Variants in MYO3A observed in about 807,000 individuals in gnomAD.
MYO3A encodes the protein myosin IIIA.
Under a neutral mutation model 192.7 loss-of-function variants are expected in MYO3A, and 180 were observed. The observed-to-expected ratio is 0.93, with a 90% confidence interval of 0.83 to 1.06. The LOEUF (loss-of-function observed/expected upper bound fraction) is 1.06, where lower values mean the gene tolerates loss of function less well. Ranked by LOEUF, MYO3A falls within the 50% of genes least tolerant of loss-of-function variation. The probability of loss-of-function intolerance (pLI) is 0.00; values close to 1 mark genes in which losing one functional copy is unlikely to be tolerated. For missense variants in MYO3A, 1,896 were observed against 1,905.0 expected (o/e 1.00, Z 0.09); for synonymous variants, 628 against 645.3 (o/e 0.97, Z 0.41).
intron 12 of MYO3A, 45 bp from the exon 13 acceptor site, chr10:26,070,066 A>ATAAAAACAAAAAGCCCTACAAAATG: frequency 1.4e-6 from 2 of 1,416,288 alleles, no homozygotes; most frequent in Non-Finnish European, 2.0e-6. Context: ...CAGGACTTAA[A>ATAAAAACAAAAAGCCCTACAAAATG]TAAAAACAAA....
intron 7 of MYO3A, among the ~76,000 whole-genome samples, chr10:26,020,641 A>G (rs1842253716): frequency 6.6e-6 from 1 of 152,214 alleles, no homozygotes; most frequent in South Asian, 2.1e-4. Context: ...AAAATTTTAA[A>G]AATGCAAAAA....
intron 4 of MYO3A, among the ~76,000 whole-genome samples, chr10:25,992,567 A>G (rs1564437040): frequency 6.6e-6 from 1 of 151,998 alleles, no homozygotes; most frequent in African/African-American, 2.4e-5. Context: ...GTGGTGAGAG[A>G]GGGCATCCCT....
chr10:26,126,805 A>G (rs1839245134), intron 19 of MYO3A, among the ~76,000 whole-genome samples: 3 of 152,054 alleles, frequency 2.0e-5, no homozygotes. Context: ...TACTAAATGT[A>G]CATATACTAA....
At chr10:26,099,924 A>G (rs1473196330) in intron 17 of MYO3A, among the ~76,000 whole-genome samples, 1 of 152,224 alleles carries the variant, frequency 6.6e-6, no homozygotes, top group Non-Finnish European at 1.5e-5. Context: ...CGCTGGCCTC[A>G]TAAAATGACT....
At chr10:26,077,950 G>A (rs948071580) in intron 14 of MYO3A, among the ~76,000 whole-genome samples, 9 of 151,920 alleles carry the variant, frequency 5.9e-5, no homozygotes, top group African/African-American at 2.2e-4. Context: ...ATATAGGTCT[G>A]TAGTTTTCTT....
chr10:26,134,643 T>C (rs1479013097), intron 20 of MYO3A, among the ~76,000 whole-genome samples: 1 of 152,156 alleles, frequency 6.6e-6, no homozygotes, highest in Non-Finnish European at 1.5e-5. Context: ...TTTCTGTAAG[T>C]TTTAAATTAT....
At chr10:26,208,267 A>G (rs1844065885) in intron 34 of MYO3A, among the ~76,000 whole-genome samples, 2 of 152,180 alleles carry the variant, frequency 1.3e-5, no homozygotes, top group Non-Finnish European at 2.9e-5. Context: ...TAATTATGGC[A>G]AGATGATCAA....
At chr10:26,136,652 G>C (rs1839861923) in intron 20 of MYO3A, among the ~76,000 whole-genome samples, 1 of 152,164 alleles carries the variant, frequency 6.6e-6, no homozygotes, top group African/African-American at 2.4e-5. Context: ...TTTTACTTGA[G>C]GATGTAGTCA....
chr10:26,039,736 T>C (rs1050210818), intron 10 of MYO3A, among the ~76,000 whole-genome samples: 5 of 152,178 alleles, frequency 3.3e-5, no homozygotes, highest in Non-Finnish European at 7.4e-5. Context: ...GTATCCTTTT[T>C]CAATTCTGAT....
chr10:26,204,382 C>T (rs1843810101), intron 34 of MYO3A: 1 of 152,272 alleles, frequency 6.6e-6, no homozygotes, highest in Admixed American at 6.5e-5. Context: ...TCCCCTTCCC[C>T]CCACTGGCAG....
At chr10:25,988,902 C>T (rs1048464135) in intron 4 of MYO3A, among the ~76,000 whole-genome samples, 2 of 147,156 alleles carry the variant, frequency 1.4e-5, no homozygotes, top group Non-Finnish European at 3.0e-5. Flanking sequence ...AGTCTCCCTA[C>T]AGTGCTTTTA....
chr10:26,082,756 TTCTCTC>T (rs59341701), intron 14 of MYO3A, among the ~76,000 whole-genome samples: 5 of 149,512 alleles, frequency 3.3e-5, no homozygotes, highest in Non-Finnish European at 1.5e-5. Flanking sequence ...CTCTCTCTTT[TTCTCTC>T]TCTCTCTCTC....
At chr10:26,129,410 C>T (rs912976887) in intron 20 of MYO3A, among the ~76,000 whole-genome samples, 6 of 152,096 alleles carry the variant, frequency 3.9e-5, no homozygotes, top group Admixed American at 2.6e-4. Context: ...ATTCCCTCTC[C>T]CTCTCTTCCT....
intron 4 of MYO3A, among the ~76,000 whole-genome samples, chr10:25,958,073 A>AG (rs1356492420): frequency 6.6e-6 from 1 of 152,164 alleles, no homozygotes; most frequent in African/African-American, 2.4e-5. Flanking sequence ...TTTGCTATAC[A>AG]GAAGCTCTTT....
chr10:26,026,666 G>C, intron 10 of MYO3A, 134 bp downstream of exon 10: 1 of 995,642 alleles, frequency 1.0e-6, no homozygotes, highest in Non-Finnish European at 1.5e-6. Flanking sequence ...AATGTCACCT[G>C]TTGAAATGCC....
At chr10:26,167,716 A>G (rs1393150900) in intron 27 of MYO3A, among the ~76,000 whole-genome samples, 1 of 152,248 alleles carries the variant, frequency 6.6e-6, no homozygotes, top group Non-Finnish European at 1.5e-5. Flanking sequence ...AGAATGGACT[A>G]AATGTATTAA....
chr10:26,125,432 A>T lies in MYO3A; in HGVS notation c.1938A>T (p.Leu646=), dbSNP rs771917415. The T allele has an allele frequency of 6.2e-7, 1 of 1,614,064 alleles. No homozygotes were observed. Among genetic ancestry groups the T allele is most frequent in the South Asian group, 1.1e-5 (1 of 91,084 alleles). Residue 646 remains leucine (L), a synonymous_variant, in exon 19 of 35, where the codon CTA becomes CTT. Transcript: ENST00000642920. ...TGCTTTGCATTCGGGCAGATGAGCT[A>T]CAAGAAGCTCTCACCTCCCACTGTG... ...ASLLCIRADE[L]QEALTSHCVV...
intron 4 of MYO3A, among the ~76,000 whole-genome samples, chr10:25,956,416 C>T (rs1231625630): frequency 6.6e-6 from 1 of 151,460 alleles, no homozygotes; most frequent in African/African-American, 2.4e-5. Context: ...CTGCAACAGC[C>T]TCCTGAGTTC....
At chr10:26,088,522 G>A (rs1339625547) in intron 15 of MYO3A, 117 bp downstream of exon 15, 2 of 949,552 alleles carry the variant, frequency 2.1e-6, no homozygotes, top group Non-Finnish European at 3.3e-6. Context: ...TATATGCAAA[G>A]CACTTACTAT....
Sources: allele counts gnomAD v4.1 joint callset (sites outside exome capture counted in the v4.1 genomes callset), GRCh38; gene constraint gnomAD v4.1.1; transcripts MANE v1.5; gene names NCBI Gene and HGNC (gene_info 2026-07-23, HGNC 2026-07-21).